ADORA2B: variants seen among roughly 807,000 people sequenced by gnomAD.
The protein encoded by ADORA2B is adenosine A2b receptor.
Under a neutral mutation model 20.8 loss-of-function variants are expected in ADORA2B, and 18 were observed. The ratio of observed to expected loss-of-function variants is 0.87; its 90% CI spans 0.60 to 1.29. ADORA2B has a LOEUF of 1.29. Ranked by LOEUF, ADORA2B falls within the 50% of genes most tolerant of loss-of-function variation. The probability of loss-of-function intolerance (pLI) is 0.00; values close to 1 mark genes in which losing one functional copy is unlikely to be tolerated. For synonymous variants in ADORA2B, 179 were observed against 178.3 expected (o/e 1.00, Z -0.03); for missense variants, 441 against 422.7 (o/e 1.04, Z -0.38).
chr17:15,857,718 C>T, the ADORA2B span, among the ~76,000 whole-genome samples: 1 of 151,864 alleles, frequency 6.6e-6, no homozygotes, highest in African/African-American at 2.4e-5. Flanking sequence ...TGGTCAATTT[C>T]TCCCATTTGG....
the ADORA2B span, among the ~76,000 whole-genome samples, chr17:15,899,300 A>G: frequency 1.3e-5 from 2 of 152,226 alleles, no homozygotes; most frequent in African/African-American, 4.8e-5. Context: ...CAGAACTGAC[A>G]GCAGTAGTAA....
the ADORA2B span, among the ~76,000 whole-genome samples, chr17:15,884,284 T>C: frequency 6.6e-6 from 1 of 152,248 alleles, no homozygotes; most frequent in South Asian, 2.1e-4. Context: ...TCTGTGATGA[T>C]GGGAATGTTC....
chr17:15,914,742 C>T, the ADORA2B span, among the ~76,000 whole-genome samples: 1 of 152,196 alleles, frequency 6.6e-6, no homozygotes, highest in Non-Finnish European at 1.5e-5. Flanking sequence ...TCATCTAATG[C>T]TCAGCGCATC....
chr17:15,868,735 A>T, the ADORA2B span, among the ~76,000 whole-genome samples: 1 of 140,356 alleles, frequency 7.1e-6, no homozygotes. Context: ...AGCTGAGATC[A>T]TGCCACTGCA....
chr17:15,862,211 C>CTTTTTTT, the ADORA2B span, among the ~76,000 whole-genome samples: 30 of 96,244 alleles, frequency 3.1e-4, no homozygotes, highest in Non-Finnish European at 4.6e-4. Context: ...CTTTTCTTTT[C>CTTTTTTT]TTTTTTTTTT....
At position 15,945,361 on chromosome 17, in the gene ADORA2B, T is replaced by G. The variant is rs762335020; in HGVS notation, c.113T>G (p.Leu38Arg). Residue 38 changes from leucine (L) to arginine (R), a missense_variant, in exon 1 of 2, where the codon CTG (leucine) becomes CGG (arginine). Transcript: ENST00000304222. Reference sequence around the variant, plus strand: ...GCCGCGGTGGGCACGGCGAACACTCTGCAGACGCCCACCAACTACTTCCTG... The same window carrying G: ...GCCGCGGTGGGCACGGCGAACACTCGGCAGACGCCCACCAACTACTTCCTG... ...VCAAVGTANT[L>R]QTPTNYFLVS... The G allele has an allele frequency of 1.9e-6, 3 of 1,611,114 alleles. No individual in the cohort carries two copies. The highest frequency in any genetic ancestry group is 2.5e-6 in the Non-Finnish European group (3 of 1,179,644).
At chr17:15,875,406 C>T in the ADORA2B span, among the ~76,000 whole-genome samples, 1 of 152,184 alleles carries the variant, frequency 6.6e-6, no homozygotes, top group Admixed American at 6.5e-5. Context: ...CCCCAGCCTC[C>T]GTGCTTCCTG....
chr17:15,895,179 AATTTAAATGTTAAC>A, the ADORA2B span, among the ~76,000 whole-genome samples: 4 of 152,214 alleles, frequency 2.6e-5, no homozygotes, highest in Non-Finnish European at 5.9e-5. Flanking sequence ...TAAGTCTACT[AATTTAAATGTTAAC>A]ATTTAAATGT....
the ADORA2B span, among the ~76,000 whole-genome samples, chr17:15,932,069 AT>A: frequency 5.1e-4 from 77 of 151,990 alleles, no homozygotes; most frequent in Non-Finnish European, 1.1e-3. Flanking sequence ...ATTTGCAAAT[AT>A]TTTCTCCCAT....
chr17:15,937,070 G>A, the ADORA2B span, among the ~76,000 whole-genome samples: 1 of 152,018 alleles, frequency 6.6e-6, no homozygotes, highest in African/African-American at 2.4e-5. Flanking sequence ...TTTTTCTCCT[G>A]TATGTGGGCC....
the ADORA2B span, among the ~76,000 whole-genome samples, chr17:15,885,578 G>A: frequency 1.3e-5 from 2 of 152,104 alleles, no homozygotes; most frequent in South Asian, 4.1e-4. Context: ...GCCATGCATG[G>A]TGGCATGTGC....
the ADORA2B span, among the ~76,000 whole-genome samples, chr17:15,850,970 T>C: frequency 6.6e-6 from 1 of 152,174 alleles, no homozygotes; most frequent in Non-Finnish European, 1.5e-5. Context: ...CAAATATTTG[T>C]TGAATGAATA....
chr17:15,887,899 C>G, the ADORA2B span, among the ~76,000 whole-genome samples: 1 of 94,958 alleles, frequency 1.1e-5, no homozygotes, highest in Non-Finnish European at 1.9e-5. Flanking sequence ...TGCAATGAGC[C>G]GAAATCGTGC....
At chr17:15,916,216 G>A in the ADORA2B span, among the ~76,000 whole-genome samples, 1 of 152,182 alleles carries the variant, frequency 6.6e-6, no homozygotes, top group African/African-American at 2.4e-5. Context: ...ATGTGTCCTG[G>A]GATGGGAATC....
intron 1 of ADORA2B, among the ~76,000 whole-genome samples, chr17:15,958,701 G>C (rs1037932253): frequency 6.6e-6 from 1 of 152,088 alleles, no homozygotes; most frequent in African/African-American, 2.4e-5. Flanking sequence ...CCCTCTGCCT[G>C]CGGTGACCTT....
At chr17:15,935,949 C>G in the ADORA2B span, among the ~76,000 whole-genome samples, 1 of 151,550 alleles carries the variant, frequency 6.6e-6, no homozygotes, top group African/African-American at 2.4e-5. Context: ...TCACTGCAAC[C>G]TCTACCTCCC....
chr17:15,900,622 A>T, the ADORA2B span, among the ~76,000 whole-genome samples: 14 of 151,280 alleles, frequency 9.3e-5, no homozygotes, highest in African/African-American at 3.2e-4. Context: ...AATTAAAAAA[A>T]TTTTTTTTGT....
the ADORA2B span, among the ~76,000 whole-genome samples, chr17:15,858,209 T>C: frequency 6.6e-6 from 1 of 152,202 alleles, no homozygotes; most frequent in African/African-American, 2.4e-5. Flanking sequence ...GCTACACCAT[T>C]GTACGCTCTC....
the ADORA2B span, among the ~76,000 whole-genome samples, chr17:15,851,877 G>A: frequency 1.4e-4 from 21 of 152,140 alleles, no homozygotes; most frequent in Non-Finnish European, 2.9e-4. Flanking sequence ...ATTGCCCTCA[G>A]TTTACCCTCC....
Sources: allele counts gnomAD v4.1 joint callset (sites outside exome capture counted in the v4.1 genomes callset), GRCh38; gene constraint gnomAD v4.1.1; transcripts MANE v1.5; gene names NCBI Gene and HGNC (gene_info 2026-07-23, HGNC 2026-07-21).